NKAIN3: variants seen among roughly 807,000 people sequenced by gnomAD.
The protein encoded by NKAIN3 is sodium/potassium transporting ATPase interacting 3, also known as sodium/potassium-transporting ATPase subunit beta-1-interacting protein 3.
NKAIN3 carries 25 observed loss-of-function variants against 30.2 expected under a neutral mutation model. The ratio of observed to expected loss-of-function variants is 0.83; its 90% CI spans 0.60 to 1.16. NKAIN3 has a LOEUF of 1.16. NKAIN3 is among the 50% of genes most tolerant of loss of function. The pLI is 0.00. For missense variants in NKAIN3, 225 were observed against 254.1 expected (o/e 0.89, Z 0.78); for synonymous variants, 91 against 89.6 (o/e 1.02, Z -0.09).
intron 1 of NKAIN3, among the ~76,000 whole-genome samples, chr8:62,323,319 T>C (rs1815003937): frequency 6.6e-6 from 1 of 152,150 alleles, no homozygotes; most frequent in South Asian, 2.1e-4. Flanking sequence ...GAAAATGATA[T>C]TTATTCAGGA....
At chr8:62,386,278 T>G (rs1817422516) in intron 1 of NKAIN3, among the ~76,000 whole-genome samples, 3 of 152,196 alleles carry the variant, frequency 2.0e-5, no homozygotes, top group South Asian at 4.1e-4. Flanking sequence ...TTCTGTGAAG[T>G]AGTTATAATA....
chr8:62,953,713 C>A (rs979258923), intron 5 of NKAIN3, among the ~76,000 whole-genome samples, 189 bp from the exon 6 acceptor site: 1 of 152,172 alleles, frequency 6.6e-6, no homozygotes, highest in Non-Finnish European at 1.5e-5. Flanking sequence ...CAGGTTATTT[C>A]TGTATTTTTT....
intron 4 of NKAIN3, among the ~76,000 whole-genome samples, chr8:62,889,780 C>T (rs745773765): frequency 8.5e-5 from 13 of 152,166 alleles, no homozygotes; most frequent in East Asian, 5.8e-4. Context: ...CCTTGAGCAA[C>T]GGCCAGGATT....
Position 62,971,949 on chromosome 8 carries a change from C to G in NKAIN3, c.*6542C>G, listed in dbSNP as rs1431648424. ...TCTAGGTTTCCCATAATTTTGCAGA[C>G]AGGTTTAGCTTTTCTTCTCTAGAAT... On this transcript the variant is annotated 3_prime_UTR_variant, in exon 7 of 7. Transcript: ENST00000623646. Among the ~76,000 whole-genome samples the G allele has an allele frequency of 1.3e-5, 2 of 152,236 alleles. No homozygotes were observed. The highest frequency in any genetic ancestry group is 1.9e-4 in the East Asian group (1 of 5,174).
intron 1 of NKAIN3, among the ~76,000 whole-genome samples, chr8:62,356,857 A>G (rs185787411): frequency 6.6e-6 from 1 of 152,244 alleles, no homozygotes; most frequent in Non-Finnish European, 1.5e-5. Flanking sequence ...CATGCCTGTA[A>G]TCCCAGCATT....
At chr8:62,588,074 C>A (rs890920585) in intron 2 of NKAIN3, among the ~76,000 whole-genome samples, 3 of 151,640 alleles carry the variant, frequency 2.0e-5, no homozygotes, top group African/African-American at 4.8e-5. Flanking sequence ...ATTTTATGTT[C>A]TTTTCCTAAT....
At chr8:62,958,158 C>T (rs1823474754) in intron 6 of NKAIN3, among the ~76,000 whole-genome samples, 1 of 151,838 alleles carries the variant, frequency 6.6e-6, no homozygotes, top group Admixed American at 6.6e-5. Flanking sequence ...CTCATGTTTG[C>T]CATAGTTCTC....
At chr8:62,658,858 T>C (rs936597029) in intron 3 of NKAIN3, among the ~76,000 whole-genome samples, 3 of 152,058 alleles carry the variant, frequency 2.0e-5, no homozygotes, top group African/African-American at 7.2e-5. Flanking sequence ...TGGACATATT[T>C]TTAAGTGTCA....
chr8:62,593,713 A>T (rs1017546274), intron 3 of NKAIN3, among the ~76,000 whole-genome samples: 37 of 152,098 alleles, frequency 2.4e-4, no homozygotes, highest in African/African-American at 8.4e-4. Flanking sequence ...TCAAAACAGA[A>T]ACAACCGGTA....
chr8:62,765,799 A>G (rs1398618541), intron 4 of NKAIN3, among the ~76,000 whole-genome samples: 3 of 152,054 alleles, frequency 2.0e-5, no homozygotes, highest in Admixed American at 6.6e-5. Flanking sequence ...TATAATTACT[A>G]TAAATGAATT....
chr8:62,851,669 A>G (rs983939845), intron 4 of NKAIN3, among the ~76,000 whole-genome samples: 6 of 152,004 alleles, frequency 3.9e-5, no homozygotes, highest in African/African-American at 9.7e-5. Flanking sequence ...AGCATGAAGC[A>G]TTGTTGAATT....
chr8:62,541,486 T>C (rs1489850790), intron 1 of NKAIN3, among the ~76,000 whole-genome samples: 1 of 152,174 alleles, frequency 6.6e-6, no homozygotes, highest in Non-Finnish European at 1.5e-5. Context: ...CTTTTTGGAG[T>C]AATTTTCATT....
At chr8:62,903,537 T>C (rs926881591) in intron 4 of NKAIN3, among the ~76,000 whole-genome samples, 1 of 151,988 alleles carries the variant, frequency 6.6e-6, no homozygotes, top group Non-Finnish European at 1.5e-5. Context: ...AAAGGCCCTC[T>C]CGGGAGCCAT....
intron 3 of NKAIN3, among the ~76,000 whole-genome samples, chr8:62,712,044 C>G (rs1449306840): frequency 6.6e-6 from 1 of 152,150 alleles, no homozygotes; most frequent in Non-Finnish European, 1.5e-5. Context: ...CTACCCAGCT[C>G]TGGGCTGGTA....
At chr8:62,876,880 A>G (rs553890059) in intron 4 of NKAIN3, among the ~76,000 whole-genome samples, 1 of 152,230 alleles carries the variant, frequency 6.6e-6, no homozygotes, top group African/African-American at 2.4e-5. Flanking sequence ...TGGCACACGT[A>G]TACCTATGTA....
At chr8:62,589,615 A>C in intron 2 of NKAIN3, 99 bp from the exon 3 acceptor site, 1 of 557,696 alleles carries the variant, frequency 1.8e-6, no homozygotes. Context: ...TCTTCCCAGA[A>C]GACAGACTTA....
chr8:62,803,651 A>C (rs1818157402), intron 4 of NKAIN3, among the ~76,000 whole-genome samples: 1 of 152,228 alleles, frequency 6.6e-6, no homozygotes, highest in Non-Finnish European at 1.5e-5. Context: ...AAATGCCTGC[A>C]AGAGAAAGCA....
intron 1 of NKAIN3, among the ~76,000 whole-genome samples, chr8:62,349,542 GA>G (rs1300714508): frequency 6.6e-6 from 1 of 152,154 alleles, no homozygotes; most frequent in Non-Finnish European, 1.5e-5. Flanking sequence ...AAAACTTTAG[GA>G]AAAGTGTAAT....
At chr8:62,612,104 A>G (rs562183490) in intron 3 of NKAIN3, among the ~76,000 whole-genome samples, 98 of 152,138 alleles carry the variant, frequency 6.4e-4, no homozygotes, top group African/African-American at 2.3e-3. Flanking sequence ...AGTAATGTCT[A>G]TTCAAATATT....
Sources: gnomAD v4.1 joint callset for allele counts (sites outside exome capture counted in the v4.1 genomes callset) on GRCh38, gnomAD v4.1.1 for gene constraint, MANE v1.5 for transcripts, NCBI Gene and HGNC (gene_info 2026-07-23, HGNC 2026-07-21) for gene names.